Variants in TRAIP observed in about 807,000 individuals in gnomAD.
TRAIP encodes TRAF interacting protein.
In TRAIP, 37 loss-of-function variants were observed where a neutral mutation model predicts 65.0. The ratio of observed to expected loss-of-function variants is 0.57; its 90% CI spans 0.44 to 0.75. The LOEUF is 0.75. TRAIP is among the 30% of genes least tolerant of loss of function. TRAIP has a pLI of 0.00. For synonymous variants in TRAIP, 187 were observed against 219.1 expected, an observed-to-expected ratio of 0.85 and a Z score of 1.29; for missense variants, 481 against 579.4, an observed-to-expected ratio of 0.83 and a Z score of 1.74.
At chr3:49,856,313 G>T (rs760027954) in intron 1 of TRAIP, 43 bp downstream of exon 1, 1 of 1,558,296 alleles carries the variant, frequency 6.4e-7, no homozygotes, top group South Asian at 1.1e-5. Context: ...GCCCTGAAGC[G>T]GTACCCGGGC....
chr3:49,834,968 G>A (rs1329752895), intron 10 of TRAIP, among the ~76,000 whole-genome samples: 2 of 152,258 alleles, frequency 1.3e-5, no homozygotes, highest in African/African-American at 4.8e-5. Context: ...TTGGGAGGCT[G>A]AGGTGGGAGG....
intron 10 of TRAIP, among the ~76,000 whole-genome samples, chr3:49,837,174 G>T (rs1418375764): frequency 6.6e-6 from 1 of 152,078 alleles, no homozygotes; most frequent in Non-Finnish European, 1.5e-5. Context: ...CAGAGTCTTT[G>T]AGGTCACTTG....
At chr3:49,855,662 T>C (rs562959999) in intron 1 of TRAIP, among the ~76,000 whole-genome samples, 1 of 152,318 alleles carries the variant, frequency 6.6e-6, no homozygotes, top group South Asian at 2.1e-4. Flanking sequence ...CATGCCTGCC[T>C]TTCTGCTTCC....
At chr3:49,852,143 C>A (rs1216558473) in intron 1 of TRAIP, among the ~76,000 whole-genome samples, 1 of 150,686 alleles carries the variant, frequency 6.6e-6, no homozygotes, top group Non-Finnish European at 1.5e-5. Context: ...CCGAGGCGGG[C>A]AGATCACGAG....
intron 11 of TRAIP, among the ~76,000 whole-genome samples, chr3:49,831,342 T>C (rs1647260227): frequency 6.6e-6 from 1 of 152,260 alleles, no homozygotes; most frequent in South Asian, 2.1e-4. Context: ...GTATAGTCCT[T>C]GTCTCCACAG....
At position 49,856,440 on chromosome 3, in the gene TRAIP, G is replaced by A. The variant is rs2081970435; in HGVS notation, c.14C>T (p.Ala5Val). 2 of 1,613,812 alleles carry A rather than the reference G, an allele frequency of 1.2e-6. No homozygotes were observed. The highest frequency in any genetic ancestry group is 1.7e-5 in the Admixed American group (1 of 59,966). The change falls in exon 1 of 15, where the codon GCT becomes GTT. Residue 5 changes from alanine to valine, a missense_variant. Ala to Val is a moderately conservative substitution (Grantham distance 64). Coordinates refer to ENST00000331456, the MANE Select transcript of TRAIP (RefSeq NM_005879.3). Reference sequence around the variant, plus strand: ...GAAGTCGGAGCAGATAGTGCACAGAGCACGGATAGGCATGATGGCTGGACT... The same window carrying A: ...GAAGTCGGAGCAGATAGTGCACAGAACACGGATAGGCATGATGGCTGGACT... MPIRALCTICSDFFD... is the reference protein window; with the variant it reads MPIRVLCTICSDFFD...
rs1450390607 is a variant in TRAIP, at chr3:49,839,810, T to G, written c.846A>C (p.Pro282=). Residue 282 remains proline (P), a synonymous_variant, in exon 10 of 15, where the codon CCA becomes CCC. Transcript: ENST00000331456. The part of the protein sequence containing the change: ...TMLQETLNLP[P]VASETVDRLV... ...GGCGGTCGACAGTCTCACTGGCCAC[T>G]GGTGGCAGGTTCAAGGTTTCCTGCA... The G allele has an allele frequency of 1.9e-6, 3 of 1,614,236 alleles. No homozygotes were observed.
chr3:49,852,293 GGA>G (rs2081939298), intron 1 of TRAIP, among the ~76,000 whole-genome samples: 2 of 151,656 alleles, frequency 1.3e-5, no homozygotes, highest in Admixed American at 1.3e-4. Flanking sequence ...CTTGAACCCA[GGA>G]GGTGGAGGTT....
intron 1 of TRAIP, among the ~76,000 whole-genome samples, chr3:49,855,681 T>G (rs886905872): frequency 6.6e-6 from 1 of 152,134 alleles, no homozygotes; most frequent in Non-Finnish European, 1.5e-5. Context: ...CCTAGGGCCT[T>G]TAGCCCCACA....
At chr3:49,832,921 G>A (rs186306976) in intron 10 of TRAIP, among the ~76,000 whole-genome samples, 24 of 152,220 alleles carry the variant, frequency 1.6e-4, no homozygotes, top group Non-Finnish European at 2.9e-4. Context: ...CCACTGGGGT[G>A]TACACATCAG....
chr3:49,830,149 G>C (rs1234097525), intron 11 of TRAIP, 81 bp from the exon 12 acceptor site: 1 of 1,489,120 alleles, frequency 6.7e-7, no homozygotes. Flanking sequence ...ACGCCCCTTG[G>C]GGAGTTACCA....
chr3:49,841,696 A>G, intron 7 of TRAIP, 130 bp downstream of exon 7: 2 of 689,030 alleles, frequency 2.9e-6, no homozygotes, highest in Middle Eastern at 3.5e-4. Flanking sequence ...ATCAGGGTTC[A>G]AACAAAGGCA....
At chr3:49,853,769 C>A (rs779885373) in intron 1 of TRAIP, among the ~76,000 whole-genome samples, 6 of 151,958 alleles carry the variant, frequency 3.9e-5, no homozygotes, top group Non-Finnish European at 5.9e-5. Flanking sequence ...ATCACGTGAA[C>A]CCAAGAGGCA....
chr3:49,855,873 T>C (rs1198857341), intron 1 of TRAIP, among the ~76,000 whole-genome samples: 2 of 152,236 alleles, frequency 1.3e-5, no homozygotes, highest in Non-Finnish European at 2.9e-5. Flanking sequence ...TCTCCTTGCC[T>C]TCCCCATGTT....
chr3:49,845,801 T>C (rs1019280127), intron 3 of TRAIP, among the ~76,000 whole-genome samples: 1 of 152,204 alleles, frequency 6.6e-6, no homozygotes, highest in African/African-American at 2.4e-5. Flanking sequence ...GTTGCCTTCA[T>C]CACAGGGAAG....
intron 11 of TRAIP, 50 bp from the exon 12 acceptor site, chr3:49,830,118 C>G: frequency 6.3e-7 from 1 of 1,594,422 alleles, no homozygotes; most frequent in Non-Finnish European, 8.6e-7. Flanking sequence ...GACATGGGGG[C>G]AGGTGAACCA....
chr3:49,839,966 C>A (rs2081824429), intron 9 of TRAIP, 106 bp from the exon 10 acceptor site: 1 of 1,165,340 alleles, frequency 8.6e-7, no homozygotes, highest in Non-Finnish European at 1.3e-6. Context: ...CCACTGGGAA[C>A]AGAGCAAGGC....
chr3:49,830,700 C>T (rs1052899737), intron 11 of TRAIP, among the ~76,000 whole-genome samples: 2 of 152,210 alleles, frequency 1.3e-5, no homozygotes, highest in Admixed American at 6.5e-5. Flanking sequence ...TCCTGGGGAA[C>T]CCAGCAGCTG....
chr3:49,837,290 G>C (rs1165163021), intron 10 of TRAIP, among the ~76,000 whole-genome samples: 1 of 151,974 alleles, frequency 6.6e-6, no homozygotes, highest in Non-Finnish European at 1.5e-5. Context: ...TTTAGAAGAG[G>C]CTGTGCCTAG....
Sources: allele counts gnomAD v4.1 joint callset (sites outside exome capture counted in the v4.1 genomes callset), GRCh38; gene constraint gnomAD v4.1.1; transcripts MANE v1.5; gene names NCBI Gene and HGNC (gene_info 2026-07-23, HGNC 2026-07-21).